PRKG1: variants seen among roughly 807,000 people sequenced by gnomAD.
The protein encoded by PRKG1 is cGMP-dependent protein kinase 1.
A neutral mutation model predicts 88.1 loss-of-function variants in PRKG1; 35 were observed. That is an observed-to-expected ratio of 0.40 (90% CI 0.30 to 0.53). PRKG1 has a LOEUF of 0.53. Ranked by LOEUF, PRKG1 falls within the 20% of genes least tolerant of loss-of-function variation. The pLI, the probability that PRKG1 is intolerant of heterozygous loss-of-function variation, is 0.59. For synonymous variants in PRKG1, 303 were observed against 292.5 expected (o/e 1.04, Z -0.37); for missense variants, 540 against 839.8 (o/e 0.64, Z 4.41).
intron 5 of PRKG1, among the ~76,000 whole-genome samples, chr10:51,915,515 G>A (rs533309336): frequency 2.8e-4 from 43 of 151,980 alleles, no homozygotes; most frequent in Admixed American, 1.0e-3. Context: ...TACTGCTTTT[G>A]AAGGAGAATG....
At chr10:51,669,045 A>G (rs1840491318) in intron 3 of PRKG1, among the ~76,000 whole-genome samples, 1 of 152,194 alleles carries the variant, frequency 6.6e-6, no homozygotes, top group Non-Finnish European at 1.5e-5. Context: ...CTAATTCGCC[A>G]TCCCAATTTT....
chr10:51,771,228 T>A (rs1374605383), intron 3 of PRKG1, among the ~76,000 whole-genome samples: 1 of 152,184 alleles, frequency 6.6e-6, no homozygotes, highest in African/African-American at 2.4e-5. Flanking sequence ...CAGTAAAAAT[T>A]CAGCATTGTA....
intron 4 of PRKG1, among the ~76,000 whole-genome samples, chr10:51,815,063 C>T (rs890842898): frequency 6.6e-6 from 1 of 152,154 alleles, no homozygotes; most frequent in African/African-American, 2.4e-5. Context: ...TCTCCCTGAG[C>T]CTGGGTTACC....
At chr10:51,371,401 G>A (rs1190574668) in intron 2 of PRKG1, among the ~76,000 whole-genome samples, 1 of 151,870 alleles carries the variant, frequency 6.6e-6, no homozygotes, top group African/African-American at 2.4e-5. Context: ...AAAACATGAG[G>A]ACAATAATTA....
intron 5 of PRKG1, among the ~76,000 whole-genome samples, chr10:51,918,378 C>G (rs559235178): frequency 1.3e-5 from 2 of 148,764 alleles, no homozygotes; most frequent in African/African-American, 5.0e-5. Flanking sequence ...AGCTTTTTCT[C>G]AGTCAGCATT....
At chr10:52,198,815 T>A (rs561691272) in intron 9 of PRKG1, among the ~76,000 whole-genome samples, 1 of 148,760 alleles carries the variant, frequency 6.7e-6, no homozygotes, top group Non-Finnish European at 1.5e-5. Flanking sequence ...GGGGTGTGAG[T>A]GTGTGTGTGT....
At chr10:51,476,841 C>G (rs1485522235) in intron 3 of PRKG1, among the ~76,000 whole-genome samples, 1 of 151,938 alleles carries the variant, frequency 6.6e-6, no homozygotes, top group African/African-American at 2.4e-5. Context: ...GACCACTTTT[C>G]TAGTTGAATC....
intron 3 of PRKG1, among the ~76,000 whole-genome samples, chr10:51,649,146 T>C (rs889064905): frequency 2.6e-5 from 4 of 152,206 alleles, no homozygotes; most frequent in African/African-American, 9.6e-5. Context: ...GCCCCTAGGA[T>C]TCAAATGCAG....
chr10:51,465,903 G>A (rs991757826), intron 2 of PRKG1, among the ~76,000 whole-genome samples: 4 of 152,134 alleles, frequency 2.6e-5, no homozygotes, highest in African/African-American at 9.7e-5. Flanking sequence ...TATGTGCAGG[G>A]CACTGTGTTA....
In PRKG1 at chr10:51,448,344, T is replaced by A. The variant is rs530186503; in HGVS notation, c.479-19379T>A. Among the ~76,000 whole-genome samples, 10 of 152,230 alleles carry A rather than the reference T, an allele frequency of 6.6e-5. No homozygotes were observed. In the South Asian group the frequency reaches 2.1e-3, roughly 32 times the overall value. On this transcript the variant is annotated intron_variant, in intron 2 of 17. Transcript: ENST00000373980. The stretch of plus-strand genomic sequence containing the variant: ...CAAGTAGGGATTTTTGTTTATTCTG[T>A]GGTCTGTGCCTCTAAATATATCCAC...
chr10:51,770,985 G>A (rs192221369), intron 3 of PRKG1, among the ~76,000 whole-genome samples: 161 of 152,272 alleles, frequency 1.1e-3, no homozygotes, highest in African/African-American at 3.8e-3. Context: ...ACATGGTATA[G>A]CCTGCTACAC....
intron 3 of PRKG1, among the ~76,000 whole-genome samples, chr10:51,647,104 A>G (rs1470392558): frequency 6.6e-6 from 1 of 150,968 alleles, no homozygotes; most frequent in East Asian, 2.0e-4. Flanking sequence ...CTCTGATAGA[A>G]TGGATGTTCA....
In PRKG1 at chr10:51,747,541, G is replaced by A. The variant is rs369429819; in HGVS notation, c.593-57044G>A. ...CCAATAAATCCAAGGTTTTGATTGT[G>A]TAGGTCTTCTAAGGCCTATTAATGG... On this transcript the variant is annotated intron_variant, in intron 3 of 17. Transcript: ENST00000373980. 6.6e-5 allele frequency among the ~76,000 whole-genome samples: 10 copies of A among 152,170 alleles called. No homozygotes were observed. In the East Asian group the frequency reaches 1.3e-3, roughly 20 times the overall value.
At chr10:50,996,687 A>T (rs1199036029) in intron 1 of PRKG1, among the ~76,000 whole-genome samples, 1 of 152,200 alleles carries the variant, frequency 6.6e-6, no homozygotes, top group East Asian at 1.9e-4. Flanking sequence ...GGATGTGAAA[A>T]TGACCTTGGT....
intron 5 of PRKG1, among the ~76,000 whole-genome samples, chr10:51,971,133 A>G (rs1843705384): frequency 6.6e-6 from 1 of 151,972 alleles, no homozygotes; most frequent in African/African-American, 2.4e-5. Flanking sequence ...AATCCATAGC[A>G]TTAGATGTCA....
intron 1 of PRKG1, among the ~76,000 whole-genome samples, chr10:51,047,507 G>A (rs1189047655): frequency 6.6e-6 from 1 of 150,952 alleles, no homozygotes; most frequent in Non-Finnish European, 1.5e-5. Context: ...TGATCCATGA[G>A]ATAAATTGAG....
At chr10:51,125,392 T>C (rs1214352214) in intron 1 of PRKG1, among the ~76,000 whole-genome samples, 2 of 150,672 alleles carry the variant, frequency 1.3e-5, no homozygotes, top group Non-Finnish European at 3.0e-5. Context: ...TTATATAAAT[T>C]TATTTAAAAA....
chr10:51,255,386 G>T lies in PRKG1; in HGVS notation c.478+102056G>T, dbSNP rs188484694. ...GCTTGTGTAGTCCAGGCTCTCTCAA[G>T]AATCAGCCAGGATGCTTTTGGGAGC... On this transcript the variant is annotated intron_variant, in intron 2 of 17. Coordinates refer to ENST00000373980, the MANE Select transcript of PRKG1 (RefSeq NM_006258.4). 2.0e-5 allele frequency among the ~76,000 whole-genome samples: 3 copies of T among 152,238 alleles called. No individual in the cohort carries two copies. In the East Asian group the frequency reaches 5.8e-4, roughly 29 times the overall value.
chr10:51,029,884 G>C (rs1843258630), intron 1 of PRKG1, among the ~76,000 whole-genome samples: 1 of 152,098 alleles, frequency 6.6e-6, no homozygotes, highest in South Asian at 2.1e-4. Context: ...GGGCAAGTAG[G>C]ATAACTTCTC....
Sources: allele counts gnomAD v4.1 joint callset (sites outside exome capture counted in the v4.1 genomes callset), GRCh38; gene constraint gnomAD v4.1.1; transcripts MANE v1.5; gene names NCBI Gene and HGNC (gene_info 2026-07-23, HGNC 2026-07-21).